The following DTNA variants were observed in gnomAD, a reference collection of about 807,000 sequenced individuals.
DTNA encodes dystrophin-related protein 3.
A neutral mutation model predicts 100.7 loss-of-function variants in DTNA; 43 were observed. The ratio of observed to expected loss-of-function variants is 0.43; its 90% CI spans 0.33 to 0.55. The LOEUF (loss-of-function observed/expected upper bound fraction) is 0.55. Among genes scored for constraint, DTNA ranks in the 20% least tolerant of loss-of-function variants. DTNA has a pLI of 0.04. For missense variants in DTNA, 798 were observed against 953.9 expected, an observed-to-expected ratio of 0.84 and a Z score of 2.15; for synonymous variants, 349 against 347.9, an observed-to-expected ratio of 1.00 and a Z score of -0.04.
chr18:34,811,867 C>A, intron 5 of DTNA, 92 bp from the exon 6 acceptor site: 1 of 1,446,370 alleles, frequency 6.9e-7, no homozygotes, highest in South Asian at 1.2e-5. Flanking sequence ...GTTTATTTTG[C>A]TACTTTTTTG....
At chr18:34,609,641 A>G (rs2053844587) in intron 1 of DTNA, among the ~76,000 whole-genome samples, 1 of 151,962 alleles carries the variant, frequency 6.6e-6, no homozygotes, top group Non-Finnish European at 1.5e-5. Context: ...ATTTGTTTTG[A>G]CTCATACCTT....
At chr18:34,827,810 A>T (rs1468018349) in intron 10 of DTNA, 134 bp downstream of exon 10, 7 of 933,252 alleles carry the variant, frequency 7.5e-6, no homozygotes, top group East Asian at 2.5e-5. Flanking sequence ...TATCCATTAT[A>T]AGTTTTCAAT....
chr18:34,776,457 G>T (rs2094054587), intron 3 of DTNA, among the ~76,000 whole-genome samples: 1 of 152,110 alleles, frequency 6.6e-6, no homozygotes, highest in South Asian at 2.1e-4. Context: ...TGATTCACCT[G>T]CATCAGCCTG....
intron 1 of DTNA, among the ~76,000 whole-genome samples, chr18:34,527,245 T>C (rs2042713226): frequency 6.6e-6 from 1 of 151,988 alleles, no homozygotes; most frequent in African/African-American, 2.4e-5. Context: ...TAAAACAGAT[T>C]AGACTAGAGC....
chr18:34,673,720 AT>A (rs1254305967), intron 1 of DTNA, among the ~76,000 whole-genome samples: 2 of 152,066 alleles, frequency 1.3e-5, no homozygotes, highest in African/African-American at 4.8e-5. Context: ...TTCTACATTC[AT>A]TGCTGAAGGT....
intron 1 of DTNA, among the ~76,000 whole-genome samples, chr18:34,600,134 T>C (rs2051478240): frequency 6.6e-6 from 1 of 152,200 alleles, no homozygotes; most frequent in African/African-American, 2.4e-5. Context: ...AAAAATCTCT[T>C]GTTTAGGAGA....
In DTNA at chr18:34,890,209, T is replaced by C; in HGVS notation, c.*2475T>C. 2.1e-6 allele frequency: 3 copies of C among 1,461,466 alleles called. No homozygotes were observed. The highest frequency in any genetic ancestry group is 2.7e-6 in the Non-Finnish European group (3 of 1,112,218). The allele number at this position is 1,461,466 out of a possible 1,614,324, so 90.5% of individuals were successfully genotyped here. On this transcript the variant is annotated 3_prime_UTR_variant, in exon 23 of 23. Coordinates refer to ENST00000444659, the MANE Select transcript of DTNA (RefSeq NM_001386795.1). ...CCAACCAACTCCATCACATGGTTGTTGATATCGTCATATAAAGCCATTGCA... is the reference window on the plus strand; with the variant it reads ...CCAACCAACTCCATCACATGGTTGTCGATATCGTCATATAAAGCCATTGCA...
At chr18:34,597,104 T>C (rs753999923) in intron 1 of DTNA, among the ~76,000 whole-genome samples, 1 of 152,168 alleles carries the variant, frequency 6.6e-6, no homozygotes, top group Non-Finnish European at 1.5e-5. Context: ...CGTGTGGTGT[T>C]CGGTTTTCTG....
intron 1 of DTNA, among the ~76,000 whole-genome samples, chr18:34,670,898 G>A (rs34376023): frequency 0.015 from 2,305 of 152,322 alleles, 49 homozygotes; most frequent in African/African-American, 0.053. Flanking sequence ...CAGTCTGACC[G>A]TTCTCAGATC....
intron 1 of DTNA, among the ~76,000 whole-genome samples, chr18:34,680,799 G>A (rs2077997872): frequency 6.6e-6 from 1 of 152,124 alleles, no homozygotes; most frequent in Non-Finnish European, 1.5e-5. Flanking sequence ...AGAAAAAAAT[G>A]AAAATGAAAA....
chr18:34,795,337 G>A (rs1435626820), intron 4 of DTNA, among the ~76,000 whole-genome samples: 1 of 152,160 alleles, frequency 6.6e-6, no homozygotes, highest in Non-Finnish European at 1.5e-5. Flanking sequence ...TTTCCAGTGT[G>A]CATTATTGTC....
chr18:34,883,572 A>C (rs953643806), intron 21 of DTNA, among the ~76,000 whole-genome samples: 27 of 152,132 alleles, frequency 1.8e-4, no homozygotes, highest in African/African-American at 6.0e-4. Flanking sequence ...GGCCTCCCAA[A>C]GTGTTGGGAT....
At chr18:34,706,188 T>A (rs1282353555), upstream of DTNA, among the ~76,000 whole-genome samples, 1 of 152,206 alleles carries the variant, frequency 6.6e-6, no homozygotes, top group Non-Finnish European at 1.5e-5. Flanking sequence ...CCTCAGGTGA[T>A]CCACTCGCCT....
chr18:34,624,343 A>G (rs1313830739), intron 1 of DTNA, among the ~76,000 whole-genome samples: 4 of 152,330 alleles, frequency 2.6e-5, no homozygotes, highest in East Asian at 3.9e-4. Context: ...ACACATTGAT[A>G]TATTAACATT....
intron 1 of DTNA, among the ~76,000 whole-genome samples, chr18:34,645,823 TC>T (rs1342065184): frequency 3.0e-5 from 4 of 133,806 alleles, no homozygotes; most frequent in African/African-American, 1.6e-4. Context: ...TATTTTCCAC[TC>T]TTTAACTCGT....
chr18:34,862,588 C>T (rs2096643004), intron 16 of DTNA, among the ~76,000 whole-genome samples: 1 of 151,776 alleles, frequency 6.6e-6, no homozygotes, highest in South Asian at 2.1e-4. Context: ...CTCTTGTAGC[C>T]AGGAGTTCAA....
chr18:34,816,645 C>T (rs1389732438), intron 7 of DTNA, among the ~76,000 whole-genome samples: 1 of 152,252 alleles, frequency 6.6e-6, no homozygotes, highest in East Asian at 1.9e-4. Flanking sequence ...TCAGTGCCTC[C>T]ATCTAATCTT....
chr18:34,701,703 A>G lies in DTNA; in HGVS notation c.-1-54273A>G, dbSNP rs145916531. The stretch of plus-strand genomic sequence containing the variant: ...ATTCCTGCACCAAGCCAGCTTCTGC[A>G]TTAAAGTAAATGGCATCTCCATTTA... On this transcript the variant is annotated intron_variant, in intron 1 of 19. Transcript: ENST00000283365. 2.8e-3 allele frequency among the ~76,000 whole-genome samples: 427 copies of G among 152,270 alleles called. 2 individuals are homozygous for G. Among genetic ancestry groups the G allele is most frequent in the African/African-American group, 9.9e-3 (412 of 41,564 alleles).
intron 4 of DTNA, among the ~76,000 whole-genome samples, chr18:34,797,756 C>T (rs755787126): frequency 5.3e-5 from 8 of 152,196 alleles, no homozygotes; most frequent in Non-Finnish European, 1.0e-4. Flanking sequence ...TCTGTGAAGC[C>T]TTTCGCCTGT....
Sources: allele counts gnomAD v4.1 joint callset (sites outside exome capture counted in the v4.1 genomes callset), GRCh38; gene constraint gnomAD v4.1.1; transcripts MANE v1.5; gene names NCBI Gene and HGNC (gene_info 2026-07-23, HGNC 2026-07-21).